BBS9: variants seen among roughly 807,000 people sequenced by gnomAD.
The protein encoded by BBS9 is Bardet-Biedl syndrome 9, also known as protein PTHB1.
A neutral mutation model predicts 117.7 loss-of-function variants in BBS9; 89 were observed. The ratio of observed to expected loss-of-function variants is 0.76; its 90% CI spans 0.64 to 0.90. BBS9 has a LOEUF of 0.90. Among genes scored for constraint, BBS9 ranks in the 40% least tolerant of loss-of-function variants. BBS9 has a pLI of 0.00. For missense variants in BBS9, 982 were observed against 1,042.2 expected (o/e 0.94, Z 0.80); for synonymous variants, 379 against 370.9 (o/e 1.02, Z -0.25).
At chr7:33,504,545 G>A (rs1845885702) in intron 19 of BBS9, among the ~76,000 whole-genome samples, 1 of 152,066 alleles carries the variant, frequency 6.6e-6, no homozygotes, top group African/African-American at 2.4e-5. Flanking sequence ...CAGTCCCCCA[G>A]CTGGTGGGGG....
chr7:33,249,495 G>A (rs1469055419), intron 5 of BBS9, among the ~76,000 whole-genome samples: 1 of 148,952 alleles, frequency 6.7e-6, no homozygotes, highest in East Asian at 2.0e-4. Context: ...CATCCCCACA[G>A]GCATGAATTT....
At chr7:33,635,347 G>C (rs1866093389) in exon 22 of BBS9, among the ~76,000 whole-genome samples, 1 of 152,182 alleles carries the variant, frequency 6.6e-6, no homozygotes, top group Non-Finnish European at 1.5e-5. Flanking sequence ...TCTGTCTTTG[G>C]TCTGTGATGC....
intron 20 of BBS9, among the ~76,000 whole-genome samples, chr7:33,530,668 T>G (rs1585147134): frequency 6.6e-6 from 1 of 152,360 alleles, no homozygotes; most frequent in East Asian, 1.9e-4. Flanking sequence ...GTTTAGATTT[T>G]GGTAGTAGTA....
intron 21 of BBS9, among the ~76,000 whole-genome samples, chr7:33,567,304 C>G (rs2252989): frequency 0.23 from 35,378 of 152,074 alleles, 4,684 homozygotes; most frequent in East Asian, 0.47. Context: ...TGTGCATATT[C>G]CATATATCTC....
chr7:33,199,454 T>C (rs563634932), intron 5 of BBS9, among the ~76,000 whole-genome samples: 1 of 151,904 alleles, frequency 6.6e-6, no homozygotes, highest in Non-Finnish European at 1.5e-5. Flanking sequence ...AAGGCTAATA[T>C]ATCATGGTAG....
chr7:33,269,639 T>A (rs1799423829), intron 7 of BBS9, among the ~76,000 whole-genome samples: 1 of 151,500 alleles, frequency 6.6e-6, no homozygotes, highest in Non-Finnish European at 1.5e-5. Context: ...TTCAGAGCAT[T>A]GATACGGAAC....
rs999174289 is a variant in BBS9, at chr7:33,398,714, A to C, written c.2115+10570A>C. Among the ~76,000 whole-genome samples the C allele has an allele frequency of 2.0e-5, 3 of 152,182 alleles. No homozygotes were observed. The South Asian group carries it at 6.2e-4, about 31-fold the overall frequency. On this transcript the variant is annotated intron_variant, in intron 19 of 22. Transcript: ENST00000242067. ...AGAGTAAAGTGAAACAAGTTAAAGT[A>C]ATTTTAACCATGTATTTTATTTAAT...
chr7:33,286,387 T>C (rs545290411), intron 9 of BBS9, among the ~76,000 whole-genome samples: 2 of 152,284 alleles, frequency 1.3e-5, no homozygotes, highest in South Asian at 4.1e-4. Context: ...GGTTTGCCTT[T>C]CACTAAGCAC....
At chr7:33,388,740 C>A (rs901190446) in intron 19 of BBS9, among the ~76,000 whole-genome samples, 5 of 152,174 alleles carry the variant, frequency 3.3e-5, no homozygotes, top group African/African-American at 9.7e-5. Flanking sequence ...CTATTCAAAA[C>A]ATCTCTCACT....
intron 5 of BBS9, among the ~76,000 whole-genome samples, chr7:33,235,641 C>T (rs943579128): frequency 3.9e-5 from 6 of 152,074 alleles, no homozygotes; most frequent in Non-Finnish European, 7.4e-5. Context: ...AAGTTTGTGC[C>T]TTTACTGGCC....
At chr7:33,306,170 A>G (rs545980671) in intron 9 of BBS9, among the ~76,000 whole-genome samples, 11 of 152,112 alleles carry the variant, frequency 7.2e-5, no homozygotes, top group African/African-American at 2.2e-4. Context: ...ATTCAGGAGC[A>G]TATTGTTTAG....
chr7:33,518,533 GCC>G (rs1848152814), intron 20 of BBS9, among the ~76,000 whole-genome samples: 1 of 152,092 alleles, frequency 6.6e-6, no homozygotes, highest in Non-Finnish European at 1.5e-5. Context: ...ACAGGCGTGA[GCC>G]ACCGCGCCCG....
intron 6 of BBS9, among the ~76,000 whole-genome samples, chr7:33,258,305 A>T (rs1267720487): frequency 6.6e-6 from 1 of 152,246 alleles, no homozygotes; most frequent in Non-Finnish European, 1.5e-5. Flanking sequence ...TGGGAAGAAG[A>T]TATAAATTCA....
At chr7:33,438,711 A>C (rs563784760) in intron 19 of BBS9, among the ~76,000 whole-genome samples, 1 of 152,358 alleles carries the variant, frequency 6.6e-6, no homozygotes, top group East Asian at 1.9e-4. Context: ...GAGCACAATT[A>C]GATACAGTAT....
intron 21 of BBS9, among the ~76,000 whole-genome samples, chr7:33,588,652 A>G (rs1282864143): frequency 1.3e-5 from 2 of 152,304 alleles, no homozygotes; most frequent in Non-Finnish European, 2.9e-5. Flanking sequence ...TGTTACAGAA[A>G]AAGAAAATGT....
intron 21 of BBS9, among the ~76,000 whole-genome samples, chr7:33,594,663 A>G (rs1862444165): frequency 6.6e-6 from 1 of 152,148 alleles, no homozygotes; most frequent in African/African-American, 2.4e-5. Flanking sequence ...AGAAATGGAC[A>G]TAAGTCTTCC....
chr7:33,428,404 A>G (rs991990801), intron 19 of BBS9, among the ~76,000 whole-genome samples: 2 of 152,178 alleles, frequency 1.3e-5, no homozygotes, highest in Non-Finnish European at 2.9e-5. Flanking sequence ...TCCAATATAG[A>G]TAAAATGGAT....
At chr7:33,634,714 G>A (rs1866060225) in intron 21 of BBS9, among the ~76,000 whole-genome samples, 1 of 152,204 alleles carries the variant, frequency 6.6e-6, no homozygotes, top group Non-Finnish European at 1.5e-5. Context: ...GGGAGCCCCT[G>A]AGCTGAGGAT....
At chr7:33,298,229 G>T (rs981842654) in intron 9 of BBS9, among the ~76,000 whole-genome samples, 18 of 151,970 alleles carry the variant, frequency 1.2e-4, no homozygotes, top group African/African-American at 4.4e-4. Flanking sequence ...GTATTATAAA[G>T]GTTAAAGCAG....
Sources: gnomAD v4.1 joint callset for allele counts (sites outside exome capture counted in the v4.1 genomes callset) on GRCh38, gnomAD v4.1.1 for gene constraint, MANE v1.5 for transcripts, NCBI Gene and HGNC (gene_info 2026-07-23, HGNC 2026-07-21) for gene names.